Variants in GOLGA4 observed in about 807,000 individuals in gnomAD.
The protein encoded by GOLGA4 is golgin A4, also known as golgin subfamily A member 4.
A neutral mutation model predicts 265.9 loss-of-function variants in GOLGA4; 169 were observed. The ratio of observed to expected loss-of-function variants is 0.64; its 90% CI spans 0.56 to 0.72. The LOEUF is 0.72. Ranked by LOEUF, GOLGA4 falls within the 30% of genes least tolerant of loss-of-function variation. The pLI is 0.00. For synonymous variants in GOLGA4, 923 were observed against 855.8 expected, an observed-to-expected ratio of 1.08 and a Z score of -1.37; for missense variants, 2,482 against 2,483.4, an observed-to-expected ratio of 1.00 and a Z score of 0.01.
At chr3:37,286,819 C>G (rs905652352) in intron 4 of GOLGA4, among the ~76,000 whole-genome samples, 7 of 152,162 alleles carry the variant, frequency 4.6e-5, no homozygotes, top group Admixed American at 4.6e-4. Context: ...TCTATAATAA[C>G]TATTTCCTGT....
At position 37,355,182 on chromosome 3, in the gene GOLGA4, C is replaced by T. The variant is rs1258214299; in HGVS notation, c.6658C>T (p.Leu2220=). ...QKILEREDAR[L]MFTSPRSGIF ...AATTTTGGAAAGAGAAGATGCTCGG[C>T]TGATGGTAAGTTCTGGAAGTGGGCT... is the stretch of plus-strand genomic sequence containing the variant. Residue 2220 remains leucine (L), a synonymous_variant, in exon 22 of 24, where the codon CTG becomes TTG. Transcript: ENST00000361924. 1.9e-6 allele frequency: 3 copies of T among 1,560,456 alleles called. No individual in the cohort carries two copies. In the African/African-American group the frequency reaches 4.1e-5, roughly 21 times the overall value.
Position 37,326,747 on chromosome 3 carries a change from G to T in GOLGA4, c.4861G>T (p.Glu1621Ter). 6.2e-7 allele frequency: 1 copy of T among 1,613,662 alleles called. No homozygotes were observed. Among genetic ancestry groups the T allele is most frequent in the Non-Finnish European group, 8.5e-7 (1 of 1,179,696 alleles). Residue 1621 changes from glutamate (E) to a stop codon, truncating the protein, a stop_gained, in exon 14 of 24, where the codon GAG (glutamate) becomes TAG (stop). Transcript: ENST00000361924. LOFTEE classifies it high-confidence loss of function. The part of the protein sequence containing the change: ...VNLSVKSKEE[E>*]LKALEDRLES... ...TTTAAGTGTGAAAAGCAAAGAGGAG[G>T]AGTTAAAGGCATTGGAAGATAGGCT...
At chr3:37,251,332 C>T in intron 1 of GOLGA4, 63 bp from the exon 2 acceptor site, 1 of 984,736 alleles carries the variant, frequency 1.0e-6, no homozygotes, top group South Asian at 1.3e-5. Flanking sequence ...AGAAGGACTA[C>T]CTAGTTCATA....
intron 1 of GOLGA4, among the ~76,000 whole-genome samples, chr3:37,244,374 G>A (rs1214125224): frequency 6.6e-6 from 1 of 152,238 alleles, no homozygotes; most frequent in Non-Finnish European, 1.5e-5. Context: ...TGTTTTTCAG[G>A]AATGCTGTTG....
At chr3:37,258,061 GTA>G (rs1224892695) in intron 2 of GOLGA4, among the ~76,000 whole-genome samples, 1 of 73,960 alleles carries the variant, frequency 1.4e-5, no homozygotes. Flanking sequence ...ATATATGTAT[GTA>G]TATATGTATA....
intron 10 of GOLGA4, among the ~76,000 whole-genome samples, chr3:37,309,099 A>G (rs1002080255): frequency 1.3e-5 from 2 of 151,678 alleles, no homozygotes; most frequent in African/African-American, 4.8e-5. Context: ...TAAAAATACA[A>G]AAATTAGCTG....
chr3:37,342,409 T>C (rs2097039013), intron 20 of GOLGA4, among the ~76,000 whole-genome samples: 1 of 152,168 alleles, frequency 6.6e-6, no homozygotes, highest in Admixed American at 6.5e-5. Flanking sequence ...CCTAGTTCTT[T>C]AGAAGCCCCT....
At chr3:37,346,727 G>A (rs182690603) in intron 20 of GOLGA4, among the ~76,000 whole-genome samples, 15 of 152,302 alleles carry the variant, frequency 9.8e-5, no homozygotes, top group African/African-American at 3.6e-4. Context: ...TTTAAAAGCA[G>A]TGCCAAATTG....
At position 37,327,819 on chromosome 3, in the gene GOLGA4, A is replaced by T. The variant is rs1482154920; in HGVS notation, c.5933A>T (p.Lys1978Ile). ...GAATATGATCAAGAAAGGGAAGAGA[A>T]AATCAAGTAAGTTTTATTTCAGCTT... Reference protein sequence around the residue: ...KKEYDQEREEKIKQEQEDLEL... With the variant: ...KKEYDQEREEIIKQEQEDLEL... The change falls in exon 14 of 24, where the codon AAA becomes ATA. Residue 1978 changes from lysine (K) to isoleucine (I), a missense_variant. Physicochemically the swap from Lys to Ile is moderately radical, Grantham distance 102. Around this residue, in one of 3 missense-constraint regions of GOLGA4, gnomAD observed 942 missense variants for 983.1 expected, o/e 0.96. Transcript: ENST00000361924. The T allele has an allele frequency of 6.3e-7, 1 of 1,589,798 alleles. No individual in the cohort carries two copies.
chr3:37,324,747 A>G lies in GOLGA4; in HGVS notation c.2861A>G (p.Lys954Arg), dbSNP rs777771839. 1 of 1,585,504 alleles carries G rather than the reference A, an allele frequency of 6.3e-7. No individual in the cohort carries two copies. The highest frequency in any genetic ancestry group is 8.5e-7 in the Non-Finnish European group (1 of 1,172,474). ...EYETKFKNQEKKMEKVKQKAK... is the reference protein window; with the variant it reads ...EYETKFKNQERKMEKVKQKAK... ...GAAACCAAATTTAAAAACCAAGAAAAAAAGATGGAAAAAGTTAAGCAGAAA... is the reference window on the plus strand; with the variant it reads ...GAAACCAAATTTAAAAACCAAGAAAGAAAGATGGAAAAAGTTAAGCAGAAA... Residue 954 changes from lysine to arginine, a missense_variant, in exon 14 of 24, where the codon AAA becomes AGA. Around this residue, in one of 3 missense-constraint regions of GOLGA4, gnomAD observed 1,536 missense variants for 1,483.7 expected, o/e 1.04. Transcript: ENST00000361924.
At chr3:37,244,731 G>A (rs1480319809) in intron 1 of GOLGA4, among the ~76,000 whole-genome samples, 1 of 152,230 alleles carries the variant, frequency 6.6e-6, no homozygotes, top group Admixed American at 6.5e-5. Flanking sequence ...AAGCTCATGT[G>A]TAGTAAAACA....
intron 21 of GOLGA4, 143 bp from the exon 22 acceptor site, chr3:37,354,958 G>C: frequency 1.8e-6 from 1 of 557,862 alleles, no homozygotes. Context: ...TTATTTCCTT[G>C]ACTAATACCT....
chr3:37,266,949 TTC>T lies in GOLGA4; in HGVS notation c.163-15008_163-15007del, dbSNP rs1355630009. On this transcript the variant is annotated intron_variant, in intron 2 of 23. Transcript: ENST00000361924. ...CACAGAGTGACAGTGTGGTGAGTCC[TTC>T]CACCGCTTTCTGCATTCCCTTTGTG... 4 of 1,191,248 alleles carry T rather than the reference TTC, an allele frequency of 3.4e-6. No homozygotes were observed. The African/African-American group carries it at 6.3e-5, about 19-fold the overall frequency. The allele number at this position is 1,191,248 out of a possible 1,614,324, so 73.8% of individuals were successfully genotyped here.
chr3:37,274,440 C>T (rs2096808153), intron 2 of GOLGA4, among the ~76,000 whole-genome samples: 1 of 152,154 alleles, frequency 6.6e-6, no homozygotes, highest in South Asian at 2.1e-4. Context: ...GCCTGTTATC[C>T]CAGCACTTTA....
chr3:37,280,528 A>G (rs1326312844), intron 2 of GOLGA4, among the ~76,000 whole-genome samples: 1 of 152,210 alleles, frequency 6.6e-6, no homozygotes, highest in Non-Finnish European at 1.5e-5. Context: ...CAAAATCTGA[A>G]AAAAATCTGA....
chr3:37,275,215 C>CAAAAAA (rs749758741), intron 2 of GOLGA4, among the ~76,000 whole-genome samples: 13 of 44,964 alleles, frequency 2.9e-4, no homozygotes, highest in Admixed American at 7.1e-4. Context: ...GACTCCGTCT[C>CAAAAAA]AAAAAAAAAA....
intron 23 of GOLGA4, among the ~76,000 whole-genome samples, chr3:37,362,184 C>T (rs926085184): frequency 6.6e-6 from 1 of 150,718 alleles, no homozygotes; most frequent in Non-Finnish European, 1.5e-5. Context: ...AACATTTCTC[C>T]GTTCTTTTAA....
Position 37,340,155 on chromosome 3 carries a change from A to G in GOLGA4, c.6428A>G (p.Tyr2143Cys), listed in dbSNP as rs772432158. Residue 2143 changes from tyrosine (Y) to cysteine (C), a missense_variant, in exon 20 of 24, where the codon TAT becomes TGT. By Grantham distance (194) the Tyr-to-Cys change is radical. Around this residue, in one of 3 missense-constraint regions of GOLGA4, gnomAD observed 942 missense variants for 983.1 expected, o/e 0.96. Coordinates refer to ENST00000361924, the MANE Select transcript of GOLGA4 (RefSeq NM_002078.5). ...IHNLEDRLKKYEKNVYATTVG... is the reference protein window; with the variant it reads ...IHNLEDRLKKCEKNVYATTVG... ...AATTTAGAAGACCGTTTGAAGAAAT[A>G]TGAAAAGAATGTATATGCAACAACT... The G allele has an allele frequency of 1.4e-6, 2 of 1,426,840 alleles. No homozygotes were observed. The highest frequency in any genetic ancestry group is 2.0e-6 in the Non-Finnish European group (2 of 1,022,620). 88.4% of individuals were successfully genotyped at this position (1,426,840 alleles called of 1,614,324 possible). A position where few individuals can be genotyped will look rare whatever the true frequency, so the allele number is the denominator to read the frequency against.
intron 20 of GOLGA4, 60 bp downstream of exon 20, chr3:37,340,259 GATTTTT>G: frequency 1.6e-6 from 1 of 633,108 alleles, no homozygotes; most frequent in African/African-American, 1.9e-5. Flanking sequence ...ATTTGTGCAT[GATTTTT>G]ATTTTTGTTT....
Sources: gnomAD v4.1 joint callset for allele counts (sites outside exome capture counted in the v4.1 genomes callset) on GRCh38, gnomAD v4.1.1 for gene constraint, gnomAD v4.1.1 regional missense constraint, MANE v1.5 for transcripts, NCBI Gene and HGNC (gene_info 2026-07-23, HGNC 2026-07-21) for gene names.